MYL5: variants seen among roughly 807,000 people sequenced by gnomAD.
MYL5 encodes myosin light chain 5.
MYL5 carries 28 observed loss-of-function variants against 20.8 expected under a neutral mutation model. That is an observed-to-expected ratio of 1.35 (90% CI 1.00 to 1.84). The LOEUF (loss-of-function observed/expected upper bound fraction) is 1.84, where lower values mean the gene tolerates loss of function less well. Ranked by LOEUF, MYL5 falls within the 40% of genes most tolerant of loss-of-function variation. The pLI, the probability that MYL5 is intolerant of heterozygous loss-of-function variation, is 0.00. For synonymous variants in MYL5, 118 were observed against 87.4 expected (o/e 1.35, Z -1.95); for missense variants, 274 against 227.3 (o/e 1.21, Z -1.32).
rs1432662971 is a variant in MYL5 at position 681,148 on chromosome 4, C to G, written c.420+8C>G. On this transcript the variant is annotated splice_region_variant and intron_variant, in intron 6 of 6. Coordinates refer to ENST00000400159, the Ensembl canonical transcript of MYL5. ...AAGATGACGGCGGAAGAGGTCTGGC[C>G]CGCGGCTTCCCTGCCAAGCCCACGA... The G allele has an allele frequency of 6.2e-7, 1 of 1,602,238 alleles. No individual in the cohort carries two copies. Among genetic ancestry groups the G allele is most frequent in the South Asian group, 1.1e-5 (1 of 89,140 alleles).
chr4:677,107 G>A (rs539914399), upstream of MYL5, among the ~76,000 whole-genome samples: 9 of 152,296 alleles, frequency 5.9e-5, 1 homozygote, highest in South Asian at 1.4e-3. Context: ...CTGCAGCACC[G>A]AGGGGCAGGT....
At chr4:677,786 C>T, upstream of MYL5, 2 of 630,428 alleles carry the variant, frequency 3.2e-6, no homozygotes, top group Non-Finnish European at 5.8e-6. Flanking sequence ...GGGAGGTAGT[C>T]CTGGCCAGAG....
At chr4:678,759 C>G in exon 2 of MYL5, 1 of 1,610,212 alleles carries the variant, frequency 6.2e-7, no homozygotes, top group South Asian at 1.1e-5. Flanking sequence ...TCCAGGAGTT[C>G]AAGGAGGTGA....
chr4:677,958 CAA>C lies in MYL5; in HGVS notation c.-68_-67del. On this transcript the variant is annotated 5_prime_UTR_variant, in exon 1 of 7. Coordinates refer to ENST00000400159, the Ensembl canonical transcript of MYL5. ...CGGAGTCTGAACTGTCCTGGGGGAC[CAA>C]GCAGGAGCTTAAGATGGGCAAGACC... 1.9e-6 allele frequency: 3 copies of C among 1,612,772 alleles called. No homozygotes were observed. The South Asian group carries it at 3.3e-5, about 18-fold the overall frequency.
At chr4:681,140 G>T (rs1463306583) in exon 6 of MYL5, 4 of 1,604,718 alleles carry the variant, frequency 2.5e-6, no homozygotes, top group Non-Finnish European at 3.4e-6. Context: ...CGGCGGAAGA[G>T]GTCTGGCCCG....
chr4:674,783 T>A (rs548405674), upstream of MYL5: 2 of 159,372 alleles, frequency 1.3e-5, no homozygotes, highest in South Asian at 3.1e-4. Flanking sequence ...GTGAGCCGAG[T>A]GCAGGTGGCT....
chr4:678,343 A>T (rs1471701337), intron 1 of MYL5: 2 of 1,415,802 alleles, frequency 1.4e-6, no homozygotes, highest in Admixed American at 2.8e-5. Flanking sequence ...CCCAGAGTCC[A>T]CTTGCCCCTC....
rs755590352 is a variant in MYL5 at position 678,615 on chromosome 4, G to A, written c.4-43G>A. On this transcript the variant is annotated intron_variant, in intron 1 of 6. Transcript: ENST00000400159. ...AACTCTGGGTGCCCTGGAGGGTTTCGTCAGCCAGCCCAGGACCCTCAGCCA... is the reference window on the plus strand; with the variant it reads ...AACTCTGGGTGCCCTGGAGGGTTTCATCAGCCAGCCCAGGACCCTCAGCCA... 29 of 1,570,288 alleles carry A rather than the reference G, an allele frequency of 1.8e-5. No homozygotes were observed. In the African/African-American group the frequency reaches 2.7e-4, roughly 15 times the overall value.
At chr4:679,996 C>T (rs1232460750) in exon 4 of MYL5, 2 of 1,613,134 alleles carry the variant, frequency 1.2e-6, no homozygotes. Context: ...TGTTTCTGAA[C>T]CTGTTTGGGG....
upstream of MYL5, among the ~76,000 whole-genome samples, chr4:677,149 G>A (rs945156183): frequency 1.3e-5 from 2 of 152,190 alleles, no homozygotes; most frequent in Admixed American, 6.5e-5. Flanking sequence ...TGCGTCCCAC[G>A]CAGACGCAGG....
chr4:678,531 C>A, intron 1 of MYL5, 127 bp from the exon 4 acceptor site: 1 of 1,462,774 alleles, frequency 6.8e-7, no homozygotes, highest in Non-Finnish European at 9.0e-7. Context: ...CCTCAGCTGT[C>A]TGGCCCCCTC....
At chr4:680,931 G>A (rs939536473) in intron 5 of MYL5, 161 bp from the exon 8 acceptor site, 7 of 787,028 alleles carry the variant, frequency 8.9e-6, no homozygotes, top group South Asian at 1.6e-5. Context: ...TGGCCCCTGA[G>A]TGTGTGTTGG....
intron 1 of MYL5, 196 bp downstream of exon 3, chr4:678,225 GC>G: frequency 6.7e-7 from 1 of 1,496,234 alleles, no homozygotes; most frequent in East Asian, 2.5e-5. Flanking sequence ...TGTGGGCTGT[GC>G]TGTGTTGTGG....
At chr4:677,918 G>T, upstream of MYL5, 3 of 1,590,034 alleles carry the variant, frequency 1.9e-6, no homozygotes, top group South Asian at 1.1e-5. Context: ...GCCTGTCCTT[G>T]TAGGGAGTGG....
exon 1 of MYL5, chr4:678,019 A>C: frequency 6.2e-7 from 1 of 1,612,952 alleles, no homozygotes; most frequent in South Asian, 1.1e-5. Context: ...AAGCAGGCAG[A>C]AGCAGGCATG....
At chr4:681,172 G>C in intron 6 of MYL5, 32 bp downstream of exon 8, 1 of 1,593,140 alleles carries the variant, frequency 6.3e-7, no homozygotes, top group Non-Finnish European at 8.5e-7. Context: ...CCAAGCCCAC[G>C]AGGGGAGGGC....
chr4:681,288 C>A, intron 6 of MYL5, 148 bp downstream of exon 8: 1 of 913,304 alleles, frequency 1.1e-6, no homozygotes, highest in Non-Finnish European at 1.7e-6. Context: ...CCGAAGTGCC[C>A]GTCTGAGGGA....
At chr4:676,801 T>C, upstream of MYL5, 1 of 844,646 alleles carries the variant, frequency 1.2e-6, no homozygotes, top group Non-Finnish European at 1.4e-6. Flanking sequence ...AGCCCCAGGG[T>C]TCCACATCTG....
At position 678,429 on chromosome 4, in the gene MYL5, C is replaced by G. The variant is rs534795793; in HGVS notation, c.4-229C>G. 1.9e-5 allele frequency: 27 copies of G among 1,423,832 alleles called. No homozygotes were observed. The African/African-American group carries it at 3.6e-4, about 19-fold the overall frequency. The allele number at this position is 1,423,832 out of a possible 1,614,324, so 88.2% of individuals were successfully genotyped here. ...TGTGCTCTGTGGGCCTTCTGGAAGC[C>G]ACTGTCCCTCCCCCAGTCCCTGTGC... On this transcript the variant is annotated intron_variant, in intron 1 of 6. Transcript: ENST00000400159.
Sources: allele counts gnomAD v4.1 joint callset (sites outside exome capture counted in the v4.1 genomes callset), GRCh38; gene constraint gnomAD v4.1.1; transcripts MANE v1.5; gene names NCBI Gene and HGNC (gene_info 2026-07-23, HGNC 2026-07-21).